Variants in QPCT observed in about 807,000 individuals in gnomAD.
QPCT encodes the protein EC.
A neutral mutation model predicts 43.4 loss-of-function variants in QPCT; 44 were observed. The ratio of observed to expected loss-of-function variants is 1.01; its 90% CI spans 0.80 to 1.30. The LOEUF (loss-of-function observed/expected upper bound fraction) is 1.30. QPCT is among the 50% of genes most tolerant of loss of function. The pLI is 0.00. For synonymous variants in QPCT, 168 were observed against 168.4 expected (o/e 1.00, Z 0.02); for missense variants, 526 against 436.5 (o/e 1.21, Z -1.83).
rs1274220356 is a variant in QPCT, at chr2:37,344,678, G to A, written c.-54G>A. ...GGGAAGGCGAAGGACGCGCGTTCCCGGGCTCGTGACCGCCAGCGGCCCGGG... is the reference window on the plus strand; with the variant it reads ...GGGAAGGCGAAGGACGCGCGTTCCCAGGCTCGTGACCGCCAGCGGCCCGGG... On this transcript the variant is annotated 5_prime_UTR_variant, in exon 1 of 7. Transcript: ENST00000338415. 4 of 1,553,280 alleles carry A rather than the reference G, an allele frequency of 2.6e-6. No individual in the cohort carries two copies. The African/African-American group carries it at 5.5e-5, about 21-fold the overall frequency.
chr2:37,357,315 AT>A lies in QPCT; in HGVS notation c.268-2251del, dbSNP rs397973663. ...TTTTTTAAATGACCCATTTTGTGGA[AT>A]TTTTTTTTTTTTTACAGTCTAGGGA... On this transcript the variant is annotated intron_variant, in intron 2 of 6. Coordinates refer to ENST00000338415, the MANE Select transcript of QPCT (RefSeq NM_012413.4). Among the ~76,000 whole-genome samples, 856 of 140,484 alleles carry A rather than the reference AT, an allele frequency of 6.1e-3. 2 individuals are homozygous for A. The highest frequency in any genetic ancestry group is 9.4e-3 in the Non-Finnish European group (599 of 64,002). 92.2% of individuals were successfully genotyped at this position (140,484 alleles called of 152,430 possible).
intron 3 of QPCT, among the ~76,000 whole-genome samples, chr2:37,364,688 GC>G (rs1290061925): frequency 6.6e-6 from 1 of 152,136 alleles, no homozygotes; most frequent in African/African-American, 2.4e-5. Context: ...GGGGGGTTTT[GC>G]CATCCATTTG....
rs1672831376 is a variant in QPCT, at chr2:37,360,042, A to C, written c.546+184A>C. On this transcript the variant is annotated intron_variant, in intron 3 of 6. Transcript: ENST00000338415. ...ATATCAACCATGGGCAATAAACCTA[A>C]GATACGTGACAATGCATTCATTAAT... is the stretch of plus-strand genomic sequence containing the variant. 3 of 659,932 alleles carry C rather than the reference A, an allele frequency of 4.5e-6. No individual in the cohort carries two copies. In the South Asian group the frequency reaches 6.0e-5, roughly 13 times the overall value. The allele number at this position is 659,932 out of a possible 1,614,324, so 40.9% of individuals were successfully genotyped here.
chr2:37,367,208 TG>T, intron 3 of QPCT, 23 bp from the exon 4 acceptor site: 4 of 1,584,352 alleles, frequency 2.5e-6, no homozygotes, highest in Non-Finnish European at 3.4e-6. Flanking sequence ...TTTTTTGCTA[TG>T]TTTTTATTGT....
rs759201090 is a variant in QPCT, at chr2:37,367,359, C to T, written c.674C>T (p.Ser225Leu). ...GSRHLAAKMA[S>L]TPHPPGARGT... ...CGACACTTAGCTGCAAAGATGGCAT[C>T]GACCCCGCACCCACCTGGAGCGAGA... Residue 225 changes from serine to leucine, a missense_variant, in exon 4 of 7, where the codon TCG (serine) becomes TTG (leucine). Coordinates refer to ENST00000338415, the MANE Select transcript of QPCT (RefSeq NM_012413.4). The T allele has an allele frequency of 9.3e-6, 15 of 1,613,850 alleles. No homozygotes were observed. The African/African-American group carries it at 9.3e-5, about 10-fold the overall frequency.
At chr2:37,358,121 A>AAAAG (rs1553385440) in intron 2 of QPCT, among the ~76,000 whole-genome samples, 4,153 of 150,712 alleles carry the variant, frequency 0.028, 206 homozygotes, top group African/African-American at 0.098. Context: ...AAAAAAAAAA[A>AAAAG]AAAGAAACAG....
chr2:37,344,721 G>C lies in QPCT; in HGVS notation c.-11G>C, dbSNP rs780812749. The C allele has an allele frequency of 9.4e-6, 15 of 1,597,972 alleles. No individual in the cohort carries two copies. The Admixed American group carries it at 2.6e-4, about 27-fold the overall frequency. ...GGCCCGGGGAACCCGCTCCCAGACAGACTCGGAGAGATGGCAGGCGGAAGA... is the reference window on the plus strand; with the variant it reads ...GGCCCGGGGAACCCGCTCCCAGACACACTCGGAGAGATGGCAGGCGGAAGA... On this transcript the variant is annotated 5_prime_UTR_variant, in exon 1 of 7. Coordinates refer to ENST00000338415, the MANE Select transcript of QPCT (RefSeq NM_012413.4).
At chr2:37,347,207 C>CATATATATAACATATATATATAACATAT (rs1558599530) in intron 1 of QPCT, among the ~76,000 whole-genome samples, 31 of 28,962 alleles carry the variant, frequency 1.1e-3, no homozygotes, top group African/African-American at 4.6e-3. Context: ...ATATATATAA[C>CATATATATAACATATATATATAACATAT]ATATATATAA....
At chr2:37,345,015 G>T (rs1291696636) in intron 1 of QPCT, among the ~76,000 whole-genome samples, 164 bp downstream of exon 1, 2 of 152,222 alleles carry the variant, frequency 1.3e-5, no homozygotes, top group Non-Finnish European at 2.9e-5. Flanking sequence ...TCGGGGCTCT[G>T]CATACTCGCC....
chr2:37,345,612 G>C (rs1269345108), intron 1 of QPCT, among the ~76,000 whole-genome samples: 2 of 152,002 alleles, frequency 1.3e-5, no homozygotes, highest in African/African-American at 4.8e-5. Context: ...GAGGCGGGTG[G>C]ATCACGAGGT....
chr2:37,351,530 C>T (rs955459265), intron 1 of QPCT, among the ~76,000 whole-genome samples: 6 of 152,156 alleles, frequency 3.9e-5, no homozygotes, highest in African/African-American at 1.4e-4. Context: ...TATAGATTCA[C>T]CAAGCTCAGG....
intron 1 of QPCT, among the ~76,000 whole-genome samples, chr2:37,345,729 G>A (rs1165925191): frequency 6.6e-6 from 1 of 151,900 alleles, no homozygotes; most frequent in African/African-American, 2.4e-5. Flanking sequence ...CCAGCTACTC[G>A]GGAGGCTGAG....
chr2:37,363,233 G>T (rs1203015710), intron 3 of QPCT, among the ~76,000 whole-genome samples: 1 of 152,134 alleles, frequency 6.6e-6, no homozygotes, highest in African/African-American at 2.4e-5. Flanking sequence ...TTGCAGTGAA[G>T]CCAACCAATC....
chr2:37,347,144 T>TTATATATATA (rs10558124), intron 1 of QPCT, among the ~76,000 whole-genome samples: 1 of 55,344 alleles, frequency 1.8e-5, no homozygotes, highest in South Asian at 5.9e-4. Context: ...ATGGGGTGTT[T>TTATATATATA]TATATATATA....
At chr2:37,365,143 A>G (rs1405096435) in intron 3 of QPCT, among the ~76,000 whole-genome samples, 2 of 151,094 alleles carry the variant, frequency 1.3e-5, no homozygotes, top group Non-Finnish European at 3.0e-5. Flanking sequence ...AAGCCTCAAG[A>G]AGAGATATCA....
At chr2:37,357,405 A>G (rs1167152466) in intron 2 of QPCT, among the ~76,000 whole-genome samples, 1 of 152,014 alleles carries the variant, frequency 6.6e-6, no homozygotes. Flanking sequence ...TCTCTATTCA[A>G]ACTATTAATG....
chr2:37,372,539 T>G, intron 6 of QPCT, 67 bp downstream of exon 6: 1 of 1,475,154 alleles, frequency 6.8e-7, no homozygotes, highest in Non-Finnish European at 9.5e-7. Flanking sequence ...AGTACAACGG[T>G]GGGATATGAG....
chr2:37,347,235 T>TATATATATATAAC (rs1672524011), intron 1 of QPCT, among the ~76,000 whole-genome samples: 1 of 85,712 alleles, frequency 1.2e-5, no homozygotes, highest in African/African-American at 4.8e-5. Context: ...ATATAACATA[T>TATATATATATAAC]ATATATATAT....
intron 5 of QPCT, among the ~76,000 whole-genome samples, chr2:37,370,786 G>A (rs898091922): frequency 6.6e-6 from 1 of 152,104 alleles, no homozygotes; most frequent in Non-Finnish European, 1.5e-5. Context: ...AAGAAAAGGA[G>A]AATAACTTTG....
Sources: allele counts gnomAD v4.1 joint callset (sites outside exome capture counted in the v4.1 genomes callset), GRCh38; gene constraint gnomAD v4.1.1; transcripts MANE v1.5; gene names NCBI Gene and HGNC (gene_info 2026-07-23, HGNC 2026-07-21).